Variants in NFATC2 observed in about 807,000 individuals in gnomAD.
NFATC2 encodes nuclear factor of activated T-cells, cytoplasmic 2.
NFATC2 carries 22 observed loss-of-function variants against 87.3 expected under a neutral mutation model. The observed-to-expected ratio is 0.25, with a 90% CI of 0.18 to 0.36. The LOEUF (loss-of-function observed/expected upper bound fraction) is 0.36. NFATC2 is among the 10% of genes least tolerant of loss of function. NFATC2 has a pLI of 1.00. For synonymous variants in NFATC2, 565 were observed against 542.2 expected (o/e 1.04, Z -0.58); for missense variants, 1,149 against 1,259.1 (o/e 0.91, Z 1.32).
chr20:51,540,187 AT>A (rs1390715214), intron 1 of NFATC2, among the ~76,000 whole-genome samples: 3 of 152,002 alleles, frequency 2.0e-5, no homozygotes, highest in Non-Finnish European at 4.4e-5. Context: ...TAATTTGTGT[AT>A]TTTTAGTAGA....
rs1341052501 is a variant in NFATC2, at chr20:51,508,532, G to A, written c.1332+8252C>T. 4.6e-5 allele frequency among the ~76,000 whole-genome samples: 7 copies of A among 152,142 alleles called. No individual in the cohort carries two copies. In the East Asian group the frequency reaches 9.7e-4, roughly 21 times the overall value. On this transcript the variant is annotated intron_variant, in intron 3 of 10. Coordinates refer to ENST00000371564, the MANE Select transcript of NFATC2 (RefSeq NM_012340.5). The stretch of plus-strand genomic sequence containing the variant: ...CTGGTATAGACAAGGAGGAGGTGGT[G>A]AGGATGGCTCCTCAAAAGTCGGCCT...
Position 51,458,261 on chromosome 20 carries a change from G to C in NFATC2, c.1709-3573C>G, listed in dbSNP as rs558849752. ...GTAATTCTTTGTTGTCAGCAGGCAG[G>C]GGGTGTCCTGGGGGTGTCCTGGGCA... On this transcript the variant is annotated intron_variant, in intron 5 of 10. Coordinates refer to ENST00000371564, the MANE Select transcript of NFATC2 (RefSeq NM_012340.5). 3.3e-5 allele frequency among the ~76,000 whole-genome samples: 5 copies of C among 152,000 alleles called. No homozygotes were observed. The South Asian group carries it at 8.3e-4, about 25-fold the overall frequency.
intron 1 of NFATC2, among the ~76,000 whole-genome samples, chr20:51,539,895 C>T (rs953382538): frequency 2.6e-5 from 4 of 152,226 alleles, no homozygotes; most frequent in Non-Finnish European, 4.4e-5. Context: ...TTACTCTGTA[C>T]TCCTTAAGTG....
chr20:51,561,416 GAAAGAGAGAGAAAGAA>G lies in NFATC2; in HGVS notation c.70+1128_70+1143del, dbSNP rs1568765249. Among the ~76,000 whole-genome samples the G allele has an allele frequency of 3.5e-3, 492 of 138,736 alleles. 5 individuals are homozygous for G. Among genetic ancestry groups the G allele is most frequent in the African/African-American group, 0.013 (474 of 35,926 alleles). The allele number at this position is 138,736 out of a possible 152,430, so 91.0% of individuals were successfully genotyped here. On this transcript the variant is annotated intron_variant, in intron 1 of 10. Coordinates refer to the NFATC2 transcript ENST00000414705. ...AAGAGAGAGAAAGAAAAGAAAGAAA[GAAAGAGAGAGAAAGAA>G]AAGAAAGAAAGAAAGAAAGAAAGAA... is the stretch of plus-strand genomic sequence containing the variant.
chr20:51,477,083 C>T (rs1028241144), intron 3 of NFATC2, among the ~76,000 whole-genome samples: 1 of 152,038 alleles, frequency 6.6e-6, no homozygotes, highest in African/African-American at 2.4e-5. Flanking sequence ...GAGACACGTA[C>T]AAAAATGTTT....
chr20:51,530,526 T>G (rs2076615823), intron 1 of NFATC2, among the ~76,000 whole-genome samples: 1 of 152,166 alleles, frequency 6.6e-6, no homozygotes, highest in South Asian at 2.1e-4. Flanking sequence ...AAATAGTTCT[T>G]AGCACATACA....
intron 6 of NFATC2, among the ~76,000 whole-genome samples, chr20:51,441,369 T>A (rs1744026539): frequency 6.6e-6 from 1 of 152,142 alleles, no homozygotes; most frequent in Admixed American, 6.5e-5. Flanking sequence ...GTTTACTCAC[T>A]GTGTGGCCTT....
intron 1 of NFATC2, among the ~76,000 whole-genome samples, chr20:51,541,598 C>T (rs936885796): frequency 1.1e-4 from 16 of 152,154 alleles, no homozygotes; most frequent in African/African-American, 3.9e-4. Context: ...AGCCTGTGTC[C>T]TTCTGAATCC....
At chr20:51,398,809 C>A (rs1021690480) in intron 9 of NFATC2, 79 bp from the exon 10 acceptor site, 3 of 959,308 alleles carry the variant, frequency 3.1e-6, no homozygotes, top group Non-Finnish European at 5.0e-6. Flanking sequence ...CCAACTCATG[C>A]CGATATCATC....
chr20:51,484,236 C>G (rs1490578738), intron 3 of NFATC2, among the ~76,000 whole-genome samples: 1 of 152,110 alleles, frequency 6.6e-6, no homozygotes, highest in Non-Finnish European at 1.5e-5. Flanking sequence ...CCTCCATGAC[C>G]TGCAGGGCTC....
chr20:51,559,811 G>A (rs148141136), intron 1 of NFATC2, among the ~76,000 whole-genome samples: 119 of 152,282 alleles, frequency 7.8e-4, no homozygotes, highest in Admixed American at 3.1e-3. Flanking sequence ...TCAACTGTCA[G>A]ACAATACTAT....
intron 6 of NFATC2, among the ~76,000 whole-genome samples, chr20:51,436,650 C>T (rs1374334755): frequency 4.6e-5 from 7 of 152,124 alleles, no homozygotes; most frequent in Admixed American, 3.9e-4. Context: ...AGGAGGCGGA[C>T]GTTACAGCAA....
At chr20:51,531,902 A>C (rs2076639504) in intron 1 of NFATC2, among the ~76,000 whole-genome samples, 1 of 152,214 alleles carries the variant, frequency 6.6e-6, no homozygotes, top group Non-Finnish European at 1.5e-5. Context: ...TAAAAATAAA[A>C]TGGGTTGGTC....
At chr20:51,451,803 G>A (rs532752562) in intron 6 of NFATC2, among the ~76,000 whole-genome samples, 26 of 152,254 alleles carry the variant, frequency 1.7e-4, no homozygotes, top group Non-Finnish European at 3.5e-4. Context: ...AGAGTCTAAT[G>A]CCTGATCATC....
intron 3 of NFATC2, among the ~76,000 whole-genome samples, chr20:51,507,178 G>T (rs1416844043): frequency 1.3e-5 from 2 of 152,188 alleles, no homozygotes; most frequent in African/African-American, 2.4e-5. Flanking sequence ...CAAAGCCAAG[G>T]CCAGGGCTTC....
chr20:51,402,813 C>T (rs1339012042), intron 9 of NFATC2, among the ~76,000 whole-genome samples: 1 of 152,230 alleles, frequency 6.6e-6, no homozygotes, highest in Non-Finnish European at 1.5e-5. Flanking sequence ...CAGAATCATG[C>T]AAAACCTCCC....
intron 3 of NFATC2, among the ~76,000 whole-genome samples, chr20:51,508,183 G>T (rs910155716): frequency 6.6e-6 from 1 of 152,050 alleles, no homozygotes; most frequent in East Asian, 1.9e-4. Flanking sequence ...CCCTTCTACT[G>T]TGGGCTGAAA....
intron 3 of NFATC2, among the ~76,000 whole-genome samples, chr20:51,501,999 C>T (rs955623606): frequency 3.9e-5 from 6 of 152,166 alleles, no homozygotes; most frequent in African/African-American, 1.4e-4. Context: ...GGTGATGCGC[C>T]GAATTTGGCT....
intron 3 of NFATC2, among the ~76,000 whole-genome samples, chr20:51,496,404 C>T (rs1261655342): frequency 6.6e-6 from 1 of 151,964 alleles, no homozygotes; most frequent in Non-Finnish European, 1.5e-5. Flanking sequence ...AAGCCTGGAC[C>T]ATTCTTCCTT....
Sources: allele counts gnomAD v4.1 joint callset (sites outside exome capture counted in the v4.1 genomes callset), GRCh38; gene constraint gnomAD v4.1.1; transcripts MANE v1.5; gene names NCBI Gene and HGNC (gene_info 2026-07-23, HGNC 2026-07-21).